The following USP9Y variants were observed in gnomAD, a reference collection of about 807,000 sequenced individuals.
USP9Y encodes ubiquitin specific peptidase 9 Y-linked, also known as ubiquitin carboxyl-terminal hydrolase 9Y.
Under a neutral mutation model 53.1 loss-of-function variants are expected in USP9Y, and 41 were observed. The ratio of observed to expected loss-of-function variants is 0.77; its 90% CI spans 0.60 to 1.00. The LOEUF is 1.00. Ranked by LOEUF, USP9Y falls within the 50% of genes least tolerant of loss-of-function variation. USP9Y has a pLI of 0.00. For missense variants in USP9Y, 567 were observed against 535.8 expected (o/e 1.06, Z -0.58); for synonymous variants, 220 against 173.7 (o/e 1.27, Z -2.09).
chrY:12,714,615 G>GT (rs770011932), intron 3 of USP9Y, among the ~76,000 whole-genome samples: 87 of 16,688 alleles, frequency 5.2e-3, no homozygotes, highest in African/African-American at 0.013. Context: ...TGATTTTTGT[G>GT]TTTTTTTTTT....
chrY:12,731,049 T>C, intron 7 of USP9Y, among the ~76,000 whole-genome samples: 1 of 33,164 alleles, frequency 3.0e-5, no homozygotes, highest in Non-Finnish European at 7.4e-5. Flanking sequence ...GTGATTCTTC[T>C]CATTTCCTTT....
chrY:12,856,286 C>A, intron 42 of USP9Y, 54 bp from the exon 43 acceptor site: 2 of 343,281 alleles, frequency 5.8e-6, no homozygotes, highest in Non-Finnish European at 8.5e-6. Flanking sequence ...ATTAGGAACT[C>A]AAATGTTAGC....
intron 25 of USP9Y, 49 bp from the exon 26 acceptor site, chrY:12,791,450 C>G: frequency 5.4e-6 from 2 of 369,109 alleles, no homozygotes; most frequent in East Asian, 1.9e-4. Context: ...CCTGATTATT[C>G]ACTTTAATGT....
At chrY:12,749,642 G>C (rs935428994) in intron 12 of USP9Y, among the ~76,000 whole-genome samples, 8 of 33,740 alleles carry the variant, frequency 2.4e-4, no homozygotes, top group Non-Finnish European at 5.9e-4. Flanking sequence ...TGAATATTCA[G>C]TTGTCCAAGG....
chrY:12,799,012 C>T (rs2053516248), intron 27 of USP9Y, among the ~76,000 whole-genome samples: 1 of 30,486 alleles, frequency 3.3e-5, no homozygotes, highest in African/African-American at 1.3e-4. Context: ...AATACAGGCG[C>T]GTGCCACCAC....
At position 12,839,844 on chromosome Y, in the gene USP9Y, A is replaced by G; in HGVS notation, c.5338-20A>G. 8.7e-5 allele frequency: 34 copies of G among 392,151 alleles called. No homozygotes were observed. Among genetic ancestry groups the G allele is most frequent in the Non-Finnish European group, 1.1e-4 (32 of 279,283 alleles). On this transcript the variant is annotated intron_variant, in intron 35 of 45. Coordinates refer to ENST00000338981, the MANE Select transcript of USP9Y (RefSeq NM_004654.4). Reference sequence around the variant, plus strand: ...TCTAGTTACAAGAGAACATTTGTTTATATTCTCTGTTTATTATAGGTTGAC... The same window carrying G: ...TCTAGTTACAAGAGAACATTTGTTTGTATTCTCTGTTTATTATAGGTTGAC...
At chrY:12,853,934 C>A (rs372092911) in intron 42 of USP9Y, among the ~76,000 whole-genome samples, 13 of 32,756 alleles carry the variant, frequency 4.0e-4, no homozygotes, top group Admixed American at 1.1e-3. Context: ...TATAAACATA[C>A]CCCTAGAATT....
chrY:12,804,358 A>T, intron 27 of USP9Y, among the ~76,000 whole-genome samples: 1 of 33,657 alleles, frequency 3.0e-5, no homozygotes, highest in Admixed American at 2.7e-4. Context: ...ATAGCCTTTT[A>T]ATATAATACT....
rs1569387416 is a variant in USP9Y at position 12,726,590 on chromosome Y, A to G, written c.454A>G (p.Asn152Asp). 1.0e-5 allele frequency: 4 copies of G among 396,567 alleles called. No homozygotes were observed. The highest frequency in any genetic ancestry group is 1.4e-5 in the Non-Finnish European group (4 of 281,609). Reference sequence around the variant, plus strand: ...CATGTAACAGAGATGTATTATTAACAATACTCATCGCCTAGTGGAGCTTTG... The same window carrying G: ...CATGTAACAGAGATGTATTATTAACGATACTCATCGCCTAGTGGAGCTTTG... Reference protein sequence around the residue: ...KFEIHRCIINNTHRLVELCVA... With the variant: ...KFEIHRCIINDTHRLVELCVA... Residue 152 changes from asparagine to aspartate, a missense_variant, in exon 7 of 46, where the codon AAT becomes GAT. Asn to Asp is a conservative substitution (Grantham distance 23). Coordinates refer to ENST00000338981, the MANE Select transcript of USP9Y (RefSeq NM_004654.4).
intron 33 of USP9Y, among the ~76,000 whole-genome samples, chrY:12,830,926 A>G (rs2053550267): frequency 2.9e-5 from 1 of 34,249 alleles, no homozygotes; most frequent in Non-Finnish European, 7.3e-5. Flanking sequence ...ATTTCTATAC[A>G]ATAACAGTAA....
chrY:12,726,628 G>T lies in USP9Y; in HGVS notation c.492G>T (p.Leu164Phe). The change falls in exon 7 of 46, where the codon TTG becomes TTT. Residue 164 changes from leucine (L) to phenylalanine (F), a missense_variant. Physicochemically the swap from Leu to Phe is conservative, Grantham distance 22. Transcript: ENST00000338981. ...TAGTGGAGCTTTGTGTGGCCAAGTT[G>T]TCCCAAGATTGGTTTCCACTTCTAG... ...HRLVELCVAK[L>F]SQDWFPLLEL... is the part of the protein sequence containing the mutation. 2.5e-6 allele frequency: 1 copy of T among 398,383 alleles called. No individual in the cohort carries two copies. The highest frequency in any genetic ancestry group is 6.2e-5 in the African/African-American group (1 of 16,191).
intron 33 of USP9Y, among the ~76,000 whole-genome samples, chrY:12,827,654 TAAAAG>T (rs2053547449): frequency 3.0e-5 from 1 of 33,220 alleles, no homozygotes; most frequent in Non-Finnish European, 7.4e-5. Context: ...GATGAAGACT[TAAAAG>T]AGATGAAAAA....
At chrY:12,788,296 T>A (rs2053503990) in intron 24 of USP9Y, among the ~76,000 whole-genome samples, 1 of 33,795 alleles carries the variant, frequency 3.0e-5, no homozygotes, top group Non-Finnish European at 7.3e-5. Flanking sequence ...ATTAGAGAGT[T>A]AATATATTAC....
intron 7 of USP9Y, among the ~76,000 whole-genome samples, chrY:12,729,382 C>T (rs2148281002): frequency 2.9e-5 from 1 of 34,064 alleles, no homozygotes; most frequent in Admixed American, 2.7e-4. Flanking sequence ...CCTCCTTGAT[C>T]GATGGGTCGT....
At chrY:12,782,429 A>C (rs773898730) in intron 22 of USP9Y, among the ~76,000 whole-genome samples, 2 of 33,669 alleles carry the variant, frequency 5.9e-5, no homozygotes, top group South Asian at 1.3e-3. Context: ...TTCCACATAC[A>C]TCTCCGTGAG....
At chrY:12,705,347 T>G in intron 1 of USP9Y, among the ~76,000 whole-genome samples, 1 of 33,186 alleles carries the variant, frequency 3.0e-5, no homozygotes, top group South Asian at 6.7e-4. Flanking sequence ...TATTTTAATC[T>G]TATTAATACT....
intron 12 of USP9Y, among the ~76,000 whole-genome samples, chrY:12,742,364 TA>T (rs2053457392): frequency 3.0e-5 from 1 of 33,270 alleles, no homozygotes; most frequent in African/African-American, 1.2e-4. Context: ...AGCCAGCTTT[TA>T]TTCCTGTATT....
chrY:12,857,067 G>C, intron 44 of USP9Y: 2 of 118,574 alleles, frequency 1.7e-5, no homozygotes. Context: ...ACATACCTGA[G>C]AGAATTCAGA....
chrY:12,856,516 A>G lies in USP9Y; in HGVS notation c.7221+20A>G. 1 of 397,093 alleles carries G rather than the reference A, an allele frequency of 2.5e-6. No homozygotes were observed. Among genetic ancestry groups the G allele is most frequent in the Non-Finnish European group, 3.5e-6 (1 of 281,990 alleles). ...TTACAGGTGAGGGTTTTTCTCTTATAAATTTGTAGAAACCTCTGTCACAAG... is the reference window on the plus strand; with the variant it reads ...TTACAGGTGAGGGTTTTTCTCTTATGAATTTGTAGAAACCTCTGTCACAAG... On this transcript the variant is annotated intron_variant, in intron 43 of 45. Transcript: ENST00000338981.
Sources: gnomAD v4.1 joint callset for allele counts (sites outside exome capture counted in the v4.1 genomes callset) on GRCh38, gnomAD v4.1.1 for gene constraint, MANE v1.5 for transcripts, NCBI Gene and HGNC (gene_info 2026-07-23, HGNC 2026-07-21) for gene names.